Variants in AKAP8 observed in about 807,000 individuals in gnomAD.
The protein encoded by AKAP8 is A-kinase anchor protein 8.
AKAP8 carries 24 observed loss-of-function variants against 67.5 expected under a neutral mutation model. The observed-to-expected ratio is 0.36, with a 90% CI of 0.26 to 0.50. The LOEUF is 0.50. Among genes scored for constraint, AKAP8 ranks in the 20% least tolerant of loss-of-function variants. The probability of loss-of-function intolerance (pLI) is 0.97; values close to 1 mark genes in which losing one functional copy is unlikely to be tolerated. For missense variants in AKAP8, 971 were observed against 955.9 expected (o/e 1.02, Z -0.21); for synonymous variants, 400 against 371.1 (o/e 1.08, Z -0.90).
At chr19:15,377,900 C>T (rs1967281406) in intron 1 of AKAP8, among the ~76,000 whole-genome samples, 1 of 152,170 alleles carries the variant, frequency 6.6e-6, no homozygotes, top group South Asian at 2.1e-4. Context: ...CTGTCTGGTC[C>T]CTCCAGGAAG....
At chr19:15,363,046 C>T (rs1446651753) in intron 9 of AKAP8, among the ~76,000 whole-genome samples, 43 of 151,458 alleles carry the variant, frequency 2.8e-4, no homozygotes, top group African/African-American at 7.8e-4. Flanking sequence ...TCTGCCTGGC[C>T]GCCCTGTCTG....
intron 1 of AKAP8, among the ~76,000 whole-genome samples, chr19:15,377,564 G>A (rs1967274999): frequency 6.6e-6 from 1 of 152,140 alleles, no homozygotes; most frequent in Non-Finnish European, 1.5e-5. Flanking sequence ...CGCCTCCTGG[G>A]TTCACGCCAT....
intron 9 of AKAP8, among the ~76,000 whole-genome samples, chr19:15,363,538 G>T (rs1284880589): frequency 6.7e-6 from 1 of 149,574 alleles, no homozygotes; most frequent in South Asian, 2.1e-4. Flanking sequence ...GAGGTGGGGG[G>T]GTCAGCCCCC....
intron 9 of AKAP8, among the ~76,000 whole-genome samples, chr19:15,365,393 C>T (rs1233662493): frequency 6.6e-6 from 1 of 152,250 alleles, no homozygotes; most frequent in Non-Finnish European, 1.5e-5. Context: ...TGCAACCACG[C>T]TGCATGGCAA....
At chr19:15,364,883 A>C (rs1967044727) in intron 9 of AKAP8, among the ~76,000 whole-genome samples, 1 of 152,180 alleles carries the variant, frequency 6.6e-6, no homozygotes. Flanking sequence ...CCTCCCAAGT[A>C]GCTGGGATTA....
chr19:15,362,648 G>C (rs1380602974), intron 9 of AKAP8, among the ~76,000 whole-genome samples: 1 of 150,914 alleles, frequency 6.6e-6, no homozygotes, highest in South Asian at 2.1e-4. Context: ...ACGGAGTCTC[G>C]TTCACTCAGT....
rs1302862019 is a variant in AKAP8 at position 15,362,234 on chromosome 19, G to C, written c.1178C>G (p.Ser393Cys). The change falls in exon 10 of 14, where the codon TCT becomes TGT. Residue 393 changes from serine (S) to cysteine (C), a missense_variant. Physicochemically the swap from Ser to Cys is moderately radical, Grantham distance 112. Around this residue, in one of 3 missense-constraint regions of AKAP8, gnomAD observed 763 missense variants for 745.4 expected, o/e 1.02. Transcript: ENST00000269701. Reference sequence around the variant, plus strand: ...ATCAAAGCTACGGAACTTGCATACAGAACAGGCAAACTGAATTCTGTAGAA... The same window carrying C: ...ATCAAAGCTACGGAACTTGCATACACAACAGGCAAACTGAATTCTGTAGAA... ...RAADRIQFAC[S>C]VCKFRSFDDE... 2.0e-5 allele frequency: 32 copies of C among 1,613,974 alleles called. No homozygotes were observed. Among genetic ancestry groups the C allele is most frequent in the Non-Finnish European group, 2.5e-5 (30 of 1,180,014 alleles).
chr19:15,368,484 T>G, intron 8 of AKAP8, 162 bp from the exon 9 acceptor site: 1 of 985,258 alleles, frequency 1.0e-6, no homozygotes. Context: ...TGTCAGAGAC[T>G]CCTGGTGGAC....
chr19:15,371,802 T>A (rs1451536354), intron 7 of AKAP8, 150 bp downstream of exon 7: 1 of 895,478 alleles, frequency 1.1e-6, no homozygotes, highest in African/African-American at 1.7e-5. Flanking sequence ...TGGAAAACTT[T>A]TAGAAATCTA....
chr19:15,359,907 G>A (rs1218819344), intron 12 of AKAP8, among the ~76,000 whole-genome samples: 2 of 152,046 alleles, frequency 1.3e-5, no homozygotes, highest in Non-Finnish European at 2.9e-5. Context: ...GCTGAGGCGG[G>A]TGGATCACCT....
At chr19:15,372,147 G>A (rs1451549432) in intron 6 of AKAP8, 71 bp downstream of exon 6, 1 of 1,608,576 alleles carries the variant, frequency 6.2e-7, no homozygotes, top group Non-Finnish European at 8.5e-7. Flanking sequence ...CACAGATGGG[G>A]CAAGCAGAGC....
At chr19:15,359,180 A>G (rs1292637140) in intron 12 of AKAP8, 118 bp from the exon 13 acceptor site, 1 of 867,860 alleles carries the variant, frequency 1.2e-6, no homozygotes, top group African/African-American at 1.7e-5. Context: ...GCGAATCTCA[A>G]AACGCCAGCC....
chr19:15,376,638 A>C (rs1967257599), intron 2 of AKAP8, among the ~76,000 whole-genome samples: 1 of 152,178 alleles, frequency 6.6e-6, no homozygotes, highest in African/African-American at 2.4e-5. Context: ...GAGAAAAAAC[A>C]CCTCGGATAT....
intron 10 of AKAP8, 46 bp downstream of exon 10, chr19:15,362,064 G>T: frequency 6.2e-7 from 1 of 1,607,148 alleles, no homozygotes. Flanking sequence ...TCCGGCACCT[G>T]CGGGATGGGC....
rs370347087 is a variant in AKAP8, at chr19:15,355,188, C to G, written c.1806G>C (p.Glu602Asp). Residue 602 changes from glutamate (E) to aspartate (D), a missense_variant, in exon 14 of 14, where the codon GAG becomes GAC. Glu to Asp is a conservative substitution (Grantham distance 45, BLOSUM62 2). Transcript: ENST00000269701. The part of the protein sequence containing the change: ...EGAPAPESSG[E>D]PAEDEGPTDT... ...CCGTGGGGCCTTCGTCCTCAGCCGG[C>G]TCCCCGCTGCTCTCTGGAGCGGGCG... is the stretch of plus-strand genomic sequence containing the variant. 1.2e-6 allele frequency: 2 copies of G among 1,611,774 alleles called. No homozygotes were observed. The highest frequency in any genetic ancestry group is 1.7e-6 in the Non-Finnish European group (2 of 1,180,044).
At chr19:15,374,542 C>T in intron 3 of AKAP8, 61 bp downstream of exon 3, 1 of 1,586,004 alleles carries the variant, frequency 6.3e-7, no homozygotes, top group Non-Finnish European at 8.6e-7. Context: ...GCTGACCCGC[C>T]TGGCCTTCAG....
chr19:15,364,118 A>AAAAAAG lies in AKAP8; in HGVS notation c.1161-1868_1161-1867insCTTTTT, dbSNP rs1967029125. On this transcript the variant is annotated intron_variant, in intron 9 of 13. Coordinates refer to ENST00000269701, the MANE Select transcript of AKAP8 (RefSeq NM_005858.4). ...TAAATTGGCAGTGGGCAAAAAAAAA[A>AAAAAAG]AAAAAAAGAAACAGGATTTTCAGTA... is the stretch of plus-strand genomic sequence containing the variant. 1.4e-5 allele frequency among the ~76,000 whole-genome samples: 2 copies of AAAAAAG among 144,500 alleles called. 1 individual carries two copies. Among genetic ancestry groups the AAAAAAG allele is most frequent in the African/African-American group, 5.0e-5 (2 of 39,940 alleles). The allele number at this position is 144,500 out of a possible 152,430, so 94.8% of individuals were successfully genotyped here.
chr19:15,368,252 C>G lies in AKAP8; in HGVS notation c.1143G>C (p.Arg381=). The G allele has an allele frequency of 6.2e-7, 1 of 1,612,840 alleles. No homozygotes were observed. Among genetic ancestry groups the G allele is most frequent in the Non-Finnish European group, 8.5e-7 (1 of 1,179,950 alleles). ...REKQRRRDRT[R]DRAADRIQFA... is the part of the protein sequence containing the mutation. ...CGCCTCACCTGTCGGCTGCACGGTC[C>G]CGCGTCCTGTCTCTTCTCCTTTGCT... Residue 381 remains arginine (R), a synonymous_variant, in exon 9 of 14, where the codon CGG becomes CGC. Transcript: ENST00000269701.
intron 2 of AKAP8, among the ~76,000 whole-genome samples, chr19:15,375,578 A>G (rs1967237632): frequency 6.6e-6 from 1 of 152,184 alleles, no homozygotes; most frequent in South Asian, 2.1e-4. Context: ...AGTGAATAAT[A>G]TCACATCAAC....
Sources: gnomAD v4.1 joint callset for allele counts (sites outside exome capture counted in the v4.1 genomes callset) on GRCh38, gnomAD v4.1.1 for gene constraint, gnomAD v4.1.1 regional missense constraint, MANE v1.5 for transcripts, NCBI Gene and HGNC (gene_info 2026-07-23, HGNC 2026-07-21) for gene names.